MCC: variants seen among roughly 807,000 people sequenced by gnomAD.
MCC encodes the protein colorectal mutant cancer protein.
MCC carries 90 observed loss-of-function variants against 116.2 expected under a neutral mutation model. The observed-to-expected ratio is 0.77, with a 90% confidence interval of 0.65 to 0.92. The LOEUF is 0.92. Ranked by LOEUF, MCC falls within the 40% of genes least tolerant of loss-of-function variation. MCC has a pLI of 0.00. For missense variants in MCC, 1,516 were observed against 1,312.2 expected, an observed-to-expected ratio of 1.16 and a Z score of -2.40; for synonymous variants, 578 against 510.5, an observed-to-expected ratio of 1.13 and a Z score of -1.78.
chr5:113,340,719 C>T lies in MCC; in HGVS notation c.427G>A (p.Ala143Thr). ...TCGTATTCCCAGCTCTCCCTGGCTG[C>T]TGATAAGGCACCTAAGTCCGAGAGA... ...SSDNSLGALSAARESWEYDSG... is the reference protein window; with the variant it reads ...SSDNSLGALSTARESWEYDSG... The change falls in exon 3 of 19, where the codon GCA (alanine) becomes ACA (threonine). Residue 143 changes from alanine to threonine, a missense_variant. Coordinates refer to ENST00000408903, the MANE Select transcript of MCC (RefSeq NM_001085377.2). 1 of 1,613,266 alleles carries T rather than the reference C, an allele frequency of 6.2e-7. No individual in the cohort carries two copies. The highest frequency in any genetic ancestry group is 1.1e-5 in the South Asian group (1 of 91,036).
intron 2 of MCC, among the ~76,000 whole-genome samples, chr5:113,359,444 TAG>T (rs1268483701): frequency 6.6e-6 from 1 of 152,224 alleles, no homozygotes; most frequent in Non-Finnish European, 1.5e-5. Flanking sequence ...GGAGATATTT[TAG>T]AGACAACTAA....
At chr5:113,268,918 G>A (rs1255173876) in intron 3 of MCC, among the ~76,000 whole-genome samples, 2 of 152,096 alleles carry the variant, frequency 1.3e-5, no homozygotes, top group African/African-American at 4.8e-5. Flanking sequence ...ACACACGACA[G>A]GAATATTAAC....
chr5:113,312,030 CG>C (rs757372283), intron 3 of MCC, among the ~76,000 whole-genome samples: 1 of 151,920 alleles, frequency 6.6e-6, no homozygotes, highest in Non-Finnish European at 1.5e-5. Flanking sequence ...CGCTTGAAAC[CG>C]GGCGGCAGAG....
chr5:113,446,452 T>C (rs544150567), intron 1 of MCC, among the ~76,000 whole-genome samples: 53 of 152,146 alleles, frequency 3.5e-4, no homozygotes, highest in Non-Finnish European at 6.8e-4. Context: ...AACAGACTTT[T>C]CTCAAAAGAA....
At chr5:113,248,183 T>C (rs1397241536) in intron 3 of MCC, among the ~76,000 whole-genome samples, 1 of 150,460 alleles carries the variant, frequency 6.6e-6, no homozygotes, top group East Asian at 1.9e-4. Flanking sequence ...TGAGCTATAA[T>C]TGTGCCACTG....
At chr5:113,449,123 T>C (rs1771308290) in intron 1 of MCC, among the ~76,000 whole-genome samples, 1 of 152,164 alleles carries the variant, frequency 6.6e-6, no homozygotes, top group Admixed American at 6.5e-5. Context: ...ATAGCACAAA[T>C]GGCTCACGAA....
intron 3 of MCC, among the ~76,000 whole-genome samples, chr5:113,154,308 T>G (rs1760048036): frequency 6.6e-6 from 1 of 152,202 alleles, no homozygotes; most frequent in South Asian, 2.1e-4. Flanking sequence ...AACAATGAGG[T>G]AGAATAAAAT....
At chr5:113,400,079 T>A (rs565644310) in intron 1 of MCC, 1 of 151,908 alleles carries the variant, frequency 6.6e-6, no homozygotes, top group Admixed American at 6.6e-5. Flanking sequence ...CCTAATATTC[T>A]TACTCTTTAT....
At chr5:113,031,966 G>A (rs1750982523) in intron 17 of MCC, among the ~76,000 whole-genome samples, 1 of 152,134 alleles carries the variant, frequency 6.6e-6, no homozygotes, top group Non-Finnish European at 1.5e-5. Flanking sequence ...GTGAACCGCT[G>A]GGAGAAACCC....
At chr5:113,387,525 T>C (rs1769291446) in intron 1 of MCC, among the ~76,000 whole-genome samples, 1 of 152,234 alleles carries the variant, frequency 6.6e-6, no homozygotes, top group Admixed American at 6.5e-5. Context: ...ATTTCTTTTT[T>C]AGATATTTAG....
intron 5 of MCC, 43 bp from the exon 6 acceptor site, chr5:113,122,869 A>C: frequency 6.3e-7 from 1 of 1,596,236 alleles, no homozygotes; most frequent in South Asian, 1.1e-5. Context: ...AGAGGATATA[A>C]GACAACCCCC....
chr5:113,431,819 G>C (rs1231799942), intron 1 of MCC, among the ~76,000 whole-genome samples: 1 of 145,850 alleles, frequency 6.9e-6, no homozygotes, highest in East Asian at 2.1e-4. Flanking sequence ...TGGCCAACAT[G>C]ATGAAACCCC....
chr5:113,402,155 G>A (rs778141386), intron 1 of MCC, among the ~76,000 whole-genome samples: 1 of 152,004 alleles, frequency 6.6e-6, no homozygotes, highest in African/African-American at 2.4e-5. Flanking sequence ...TTAGCCCGAC[G>A]TAGTGGCAGG....
At chr5:113,472,985 G>C (rs971639121) in intron 1 of MCC, among the ~76,000 whole-genome samples, 5 of 152,214 alleles carry the variant, frequency 3.3e-5, no homozygotes, top group African/African-American at 1.2e-4. Context: ...GGTAGTGTGA[G>C]AGATACAAAG....
chr5:113,307,203 T>C (rs776656982), intron 3 of MCC, among the ~76,000 whole-genome samples: 1 of 152,188 alleles, frequency 6.6e-6, no homozygotes, highest in Non-Finnish European at 1.5e-5. Flanking sequence ...GATGAAATTT[T>C]GATAGGCGTG....
intron 8 of MCC, chr5:113,101,410 T>A: frequency 4.3e-6 from 1 of 235,034 alleles, no homozygotes; most frequent in Non-Finnish European, 8.2e-6. Context: ...TTCTAAAGAC[T>A]ATTAGTTTAT....
intron 3 of MCC, among the ~76,000 whole-genome samples, chr5:113,184,958 A>G (rs1289960909): frequency 1.3e-5 from 2 of 152,220 alleles, no homozygotes; most frequent in Admixed American, 6.5e-5. Flanking sequence ...GTATTTGTCT[A>G]CAAACCCAAA....
At chr5:113,132,407 C>CATATATATACACACATAT (rs1474429834) in intron 5 of MCC, among the ~76,000 whole-genome samples, 5 of 62,550 alleles carry the variant, frequency 8.0e-5, no homozygotes, top group African/African-American at 1.8e-4. Context: ...TACATACATA[C>CATATATATACACACATAT]ATATATATAT....
chr5:113,270,160 T>C (rs911629883), intron 3 of MCC, among the ~76,000 whole-genome samples: 10 of 152,226 alleles, frequency 6.6e-5, no homozygotes, highest in African/African-American at 2.2e-4. Flanking sequence ...CTAGGAAAAA[T>C]GTTTATGACT....
Sources: allele counts gnomAD v4.1 joint callset (sites outside exome capture counted in the v4.1 genomes callset), GRCh38; gene constraint gnomAD v4.1.1; transcripts MANE v1.5; gene names NCBI Gene and HGNC (gene_info 2026-07-23, HGNC 2026-07-21).